Variants in LHX3 observed in about 807,000 individuals in gnomAD.
The protein encoded by LHX3 is LIM/homeobox protein Lhx3.
In LHX3, 21 loss-of-function variants were observed where a neutral mutation model predicts 32.4. The observed-to-expected ratio is 0.65, with a 90% CI of 0.46 to 0.93. The LOEUF (loss-of-function observed/expected upper bound fraction) is 0.93, where lower values mean the gene tolerates loss of function less well. Ranked by LOEUF, LHX3 falls within the 40% of genes least tolerant of loss-of-function variation. The pLI is 0.00. For synonymous variants in LHX3, 258 were observed against 246.8 expected, an observed-to-expected ratio of 1.05 and a Z score of -0.43; for missense variants, 626 against 560.0, an observed-to-expected ratio of 1.12 and a Z score of -1.19.
At position 136,205,119 on chromosome 9, in the gene LHX3, G is replaced by A. The variant is rs551592795; in HGVS notation, c.-107C>T. 1.6e-4 allele frequency: 147 copies of A among 897,658 alleles called. No individual in the cohort carries two copies. Among genetic ancestry groups the A allele is most frequent in the African/African-American group, 1.4e-3 (80 of 56,324 alleles). The allele number at this position is 897,658 out of a possible 1,614,324, so 55.6% of individuals were successfully genotyped here. On this transcript the variant is annotated 5_prime_UTR_variant, in exon 1 of 6. Coordinates refer to ENST00000371748, the MANE Select transcript of LHX3 (RefSeq NM_178138.6). ...CCGCGTCGTGCGGGGCAGGGAGCCC[G>A]GGAGCCACTGGGCCTGGCGCTGTCC...
chr9:136,200,258 G>C, intron 2 of LHX3: 1 of 543,870 alleles, frequency 1.8e-6, no homozygotes. Flanking sequence ...ACCAATTTCG[G>C]AGGAACTAAG....
At chr9:136,200,384 C>A in intron 2 of LHX3, 198 bp downstream of exon 2, 2 of 621,630 alleles carry the variant, frequency 3.2e-6, no homozygotes, top group East Asian at 5.5e-5. Context: ...CCAGGCCCAG[C>A]CACCCAGGGA....
In LHX3 at chr9:136,204,956, G is replaced by A. The variant is rs778143653; in HGVS notation, c.57C>T (p.Val19=). The change falls in exon 1 of 6, where the codon GTC becomes GTT. Residue 19 remains valine (V), a synonymous_variant. Coordinates refer to ENST00000371748, the MANE Select transcript of LHX3 (RefSeq NM_178138.6). ...TACCCCGAGTCCCGCCCAAGGTGCA[G>A]ACGGCGGCGGCCCCGGGCCTCGCTC... is the stretch of plus-strand genomic sequence containing the variant. ...RDRARPGAAA[V]CTLGGTREIP... is the part of the protein sequence containing the mutation. 1.5e-5 allele frequency: 24 copies of A among 1,601,022 alleles called. No individual in the cohort carries two copies. In the African/African-American group the frequency reaches 1.7e-4, roughly 12 times the overall value.
Position 136,199,119 on chromosome 9 carries a change from C to A in LHX3, c.455-60G>T. 4 of 1,024,224 alleles carry A rather than the reference C, an allele frequency of 3.9e-6. No individual in the cohort carries two copies. In the South Asian group the frequency reaches 1.5e-4, roughly 39 times the overall value. The allele number at this position is 1,024,224 out of a possible 1,614,324, so 63.4% of individuals were successfully genotyped here. ...CCTCCGGCCCCGGCCGGACCCCCAG[C>A]CCTCCCACCCCGGCCGGCGCGGGGA... On this transcript the variant is annotated intron_variant, in intron 3 of 5. Coordinates refer to ENST00000371748, the MANE Select transcript of LHX3 (RefSeq NM_178138.6).
At chr9:136,200,422 T>G in intron 2 of LHX3, 160 bp downstream of exon 2, 1 of 787,250 alleles carries the variant, frequency 1.3e-6, no homozygotes. Flanking sequence ...CCACCCTTAA[T>G]TTGGCCAGGC....
At position 136,198,931 on chromosome 9, in the gene LHX3, C is replaced by A; in HGVS notation, c.583G>T (p.Gly195Cys). 1 of 1,588,510 alleles carries A rather than the reference C, an allele frequency of 6.3e-7. No individual in the cohort carries two copies. The highest frequency in any genetic ancestry group is 8.5e-7 in the Non-Finnish European group (1 of 1,171,906). The change falls in exon 4 of 6, where the codon GGC becomes TGC. Residue 195 changes from glycine to cysteine, a missense_variant. Coordinates refer to ENST00000371748, the MANE Select transcript of LHX3 (RefSeq NM_178138.6). ...HVREQLSSETGLDMRVVQVWF... is the reference protein window; with the variant it reads ...HVREQLSSETCLDMRVVQVWF... ...ACCTGCACCACGCGCATGTCCAGGC[C>A]CGTCTCGGACGAGAGCTGCTCGCGC...
rs1588624425 is a variant in LHX3 at position 136,197,816 on chromosome 9, G to A, written c.776-73C>T. The stretch of plus-strand genomic sequence containing the variant: ...CCCCTCAGAGTCCCATCCTGCAGGC[G>A]GAGGCACCCCTGGGTCGGAGAAAGA... On this transcript the variant is annotated intron_variant, in intron 5 of 5. Coordinates refer to ENST00000371748, the MANE Select transcript of LHX3 (RefSeq NM_178138.6). 1.8e-5 allele frequency: 28 copies of A among 1,532,674 alleles called. 1 individual carries two copies. The highest frequency in any genetic ancestry group is 1.7e-4 in the Middle Eastern group (1 of 5,816). The allele number at this position is 1,532,674 out of a possible 1,614,324, so 94.9% of individuals were successfully genotyped here. A position where few individuals can be genotyped will look rare whatever the true frequency, so the allele number is the denominator to read the frequency against.
intron 1 of LHX3, 126 bp from the exon 2 acceptor site, chr9:136,200,879 T>G: frequency 8.9e-7 from 1 of 1,121,434 alleles, no homozygotes; most frequent in Non-Finnish European, 1.3e-6. Flanking sequence ...GGGTCCTCCT[T>G]TCCCTACACA....
chr9:136,199,047 G>T lies in LHX3; in HGVS notation c.467C>A (p.Thr156Lys). 6.4e-7 allele frequency: 1 copy of T among 1,566,880 alleles called. No homozygotes were observed. The change falls in exon 4 of 6, where the codon ACG becomes AAG. Residue 156 changes from threonine to lysine, a missense_variant. Transcript: ENST00000371748. Reference protein sequence around the residue: ...ETAKQREAEATAKRPRTTITA... With the variant: ...ETAKQREAEAKAKRPRTTITA... ...GATGGTCGTGCGCGGCCGCTTGGCC[G>T]TGGCCTCGGCCTCTGCGCGGCGGGC...
Position 136,197,198 on chromosome 9 carries a change from G to T in LHX3, c.*127C>A. The T allele has an allele frequency of 1.0e-6, 1 of 1,004,306 alleles. No individual in the cohort carries two copies. The allele number at this position is 1,004,306 out of a possible 1,614,324, so 62.2% of individuals were successfully genotyped here. The stretch of plus-strand genomic sequence containing the variant: ...GAGGGAGCTGTGCGGTCGGCAGTGG[G>T]AGGCTCCGAAGGCACCAGCCCTCCC... On this transcript the variant is annotated 3_prime_UTR_variant, in exon 6 of 6. Coordinates refer to ENST00000371748, the MANE Select transcript of LHX3 (RefSeq NM_178138.6).
intron 1 of LHX3, among the ~76,000 whole-genome samples, chr9:136,204,664 G>A (rs1218397004): frequency 2.0e-5 from 3 of 152,164 alleles, no homozygotes; most frequent in Non-Finnish European, 4.4e-5. Flanking sequence ...CCCCTTGGTC[G>A]GCCCCATCGC....
chr9:136,202,959 C>T lies in LHX3; in HGVS notation c.79+1975G>A, dbSNP rs2274116. 466,423 of 1,531,660 alleles carry T rather than the reference C, an allele frequency of 0.3. 75,354 individuals are homozygous for T. Among genetic ancestry groups the T allele is most frequent in the Non-Finnish European group, 0.34 (386,208 of 1,145,258 alleles). The allele number at this position is 1,531,660 out of a possible 1,614,324, so 94.9% of individuals were successfully genotyped here. On this transcript the variant is annotated intron_variant, in intron 1 of 5. Coordinates refer to ENST00000371748, the MANE Select transcript of LHX3 (RefSeq NM_178138.6). ...CCGGGCACCCACCTCGGCGCAGGTC[C>T]GCCCTCCGCGCCAGCAGTGCTAGCA... is the stretch of plus-strand genomic sequence containing the variant.
chr9:136,203,639 A>G (rs559267008), intron 1 of LHX3, among the ~76,000 whole-genome samples: 1 of 152,322 alleles, frequency 6.6e-6, no homozygotes, highest in South Asian at 2.1e-4. Context: ...CCCAGATGCT[A>G]ACAGGCTTCT....
chr9:136,197,830 G>A (rs1831535345), intron 5 of LHX3, 87 bp from the exon 6 acceptor site: 2 of 1,447,654 alleles, frequency 1.4e-6, no homozygotes, highest in Non-Finnish European at 9.5e-7. Flanking sequence ...GCACCCCTGG[G>A]TCGGAGAAAG....
rs933426238 is a variant in LHX3 at position 136,205,098 on chromosome 9, G to C, written c.-86C>G. ...GTTCGGGGCTCCCAAGTCCCGCCGC[G>C]TCGTGCGGGGCAGGGAGCCCGGGAG... On this transcript the variant is annotated 5_prime_UTR_variant, in exon 1 of 6. Coordinates refer to ENST00000371748, the MANE Select transcript of LHX3 (RefSeq NM_178138.6). 2.5e-6 allele frequency: 3 copies of C among 1,178,262 alleles called. No individual in the cohort carries two copies. In the Admixed American group the frequency reaches 7.1e-5, roughly 28 times the overall value. 73.0% of individuals were successfully genotyped at this position (1,178,262 alleles called of 1,614,324 possible).
At chr9:136,204,847 G>A in intron 1 of LHX3, 87 bp downstream of exon 1, 2 of 1,109,006 alleles carry the variant, frequency 1.8e-6, no homozygotes, top group Non-Finnish European at 2.6e-6. Context: ...GACTTTCTTT[G>A]CCTGGCCGCT....
At chr9:136,203,366 C>T (rs1008681452) in intron 1 of LHX3, among the ~76,000 whole-genome samples, 5 of 152,084 alleles carry the variant, frequency 3.3e-5, no homozygotes, top group Non-Finnish European at 5.9e-5. Flanking sequence ...AGGGAGGGCC[C>T]AGGTCAGGGC....
chr9:136,202,398 C>T (rs1183279286), intron 1 of LHX3, among the ~76,000 whole-genome samples: 1 of 152,094 alleles, frequency 6.6e-6, no homozygotes, highest in Non-Finnish European at 1.5e-5. Flanking sequence ...GTGGTGCCAC[C>T]AGGAAGCTGG....
In LHX3 at chr9:136,197,584, C is replaced by G; in HGVS notation, c.935G>C (p.Gly312Ala). 1 of 1,538,262 alleles carries G rather than the reference C, an allele frequency of 6.5e-7. No homozygotes were observed. The highest frequency in any genetic ancestry group is 8.8e-7 in the Non-Finnish European group (1 of 1,140,108). Residue 312 changes from glycine (G) to alanine (A), a missense_variant, in exon 6 of 6, where the codon GGC becomes GCC. By Grantham distance (60) the Gly-to-Ala change is moderately conservative (BLOSUM62 0). Coordinates refer to ENST00000371748, the MANE Select transcript of LHX3 (RefSeq NM_178138.6). ...GGATGGGGGGACACCGTAGGGGCTG[C>G]CGGGACGCAGCTCTCGGTACTGCTC... ...GPEQYRELRP[G>A]SPYGVPPSPA... is the part of the protein sequence containing the mutation.
Sources: allele counts gnomAD v4.1 joint callset (sites outside exome capture counted in the v4.1 genomes callset), GRCh38; gene constraint gnomAD v4.1.1; transcripts MANE v1.5; gene names NCBI Gene and HGNC (gene_info 2026-07-23, HGNC 2026-07-21).